Variants in TMEM81 observed in about 807,000 individuals in gnomAD.
TMEM81 encodes the protein transmembrane protein 81.
For missense variants in TMEM81, 294 were observed against 300.5 expected, an observed-to-expected ratio of 0.98 and a Z score of 0.16; for synonymous variants, 132 against 119.1, an observed-to-expected ratio of 1.11 and a Z score of -0.71.
Position 205,083,175 on chromosome 1 carries a change from G to T in TMEM81, c.*378C>A. On this transcript the variant is annotated 3_prime_UTR_variant, in exon 1 of 1. Coordinates refer to ENST00000367167, the MANE Select transcript of TMEM81 (RefSeq NM_203376.2). ...AAAAAAAATGTTCACTAAAAAGGCT[G>T]AATACATCCCTCTACATGAATACAC... 1 of 190,946 alleles carries T rather than the reference G, an allele frequency of 5.2e-6. No individual in the cohort carries two copies. The highest frequency in any genetic ancestry group is 1.1e-5 in the Non-Finnish European group (1 of 94,308). 11.8% of individuals were successfully genotyped at this position (190,946 alleles called of 1,614,324 possible). A position where few individuals can be genotyped will look rare whatever the true frequency, so the allele number is the denominator to read the frequency against.
rs1655055760 is a variant in TMEM81 at position 205,083,295 on chromosome 1, GGCAAT to G, written c.*253_*257del. On this transcript the variant is annotated 3_prime_UTR_variant, in exon 1 of 1. Coordinates refer to ENST00000367167, the MANE Select transcript of TMEM81 (RefSeq NM_203376.2). Reference sequence around the variant, plus strand: ...TCTTAGAACTCTTCCCAGGAACACAGGCAATGCTTGCAGTTTCCTGGGTACCCAAT... The same window carrying G: ...TCTTAGAACTCTTCCCAGGAACACAGGCTTGCAGTTTCCTGGGTACCCAAT... The G allele has an allele frequency of 2.2e-6, 1 of 457,270 alleles. No individual in the cohort carries two copies. The highest frequency in any genetic ancestry group is 3.8e-5 in the Admixed American group (1 of 25,976). The allele number at this position is 457,270 out of a possible 1,614,324, so 28.3% of individuals were successfully genotyped here.
At position 205,083,286 on chromosome 1, in the gene TMEM81, A is replaced by G. The variant is rs958078643; in HGVS notation, c.*267T>C. ...ATGCAAGCTTCTTAGAACTCTTCCC[A>G]GGAACACAGGCAATGCTTGCAGTTT... On this transcript the variant is annotated 3_prime_UTR_variant, in exon 1 of 1. Coordinates refer to ENST00000367167, the MANE Select transcript of TMEM81 (RefSeq NM_203376.2). 3 of 442,818 alleles carry G rather than the reference A, an allele frequency of 6.8e-6. No individual in the cohort carries two copies. Among genetic ancestry groups the G allele is most frequent in the African/African-American group, 3.9e-5 (2 of 50,712 alleles). 27.4% of individuals were successfully genotyped at this position (442,818 alleles called of 1,614,324 possible).
At position 205,084,118 on chromosome 1, in the gene TMEM81, T is replaced by C. The variant is rs747349144; in HGVS notation, c.203A>G (p.Asp68Gly). The C allele has an allele frequency of 1.7e-5, 27 of 1,614,080 alleles. No homozygotes were observed. In the East Asian group the frequency reaches 4.9e-4, roughly 29 times the overall value. ...AGTCTGACATTTCCTTCTCACTCCA[T>C]CAGGGCCCACCTCACAGACGGTCTC... ...KEETVCEVGP[D>G]GVRRKCQTRR... The change falls in exon 1 of 1, where the codon GAT becomes GGT. Residue 68 changes from aspartate to glycine, a missense_variant. Coordinates refer to ENST00000367167, the MANE Select transcript of TMEM81 (RefSeq NM_203376.2).
chr1:205,083,689 CT>C lies in TMEM81; in HGVS notation c.631del (p.Ser211AlafsTer20). 1 of 1,614,228 alleles carries C rather than the reference CT, an allele frequency of 6.2e-7. No homozygotes were observed. Among genetic ancestry groups the C allele is most frequent in the Non-Finnish European group, 8.5e-7 (1 of 1,180,036 alleles). On this transcript the variant is annotated frameshift_variant, in exon 1 of 1. Transcript: ENST00000367167. LOFTEE classifies it low-confidence loss of function (END_TRUNC). ...CTTTGGGTGGTGAGGCTTGGAGTAG[CT>C]GTCCAGATTAACTTCCAATCCCTCA... is the stretch of plus-strand genomic sequence containing the variant. ...IDEGLEVNLD[S>X]YSKPHHPKWK...
Position 205,083,853 on chromosome 1 carries a change from C to T in TMEM81, c.468G>A (p.Gly156=), listed in dbSNP as rs1407595865. The change falls in exon 1 of 1, where the codon GGG becomes GGA. Residue 156 remains glycine, a synonymous_variant. Coordinates refer to ENST00000367167, the MANE Select transcript of TMEM81 (RefSeq NM_203376.2). ...CCAGCTGCACATCACAGCGATATGTCCCAGAGTCATACTCCTGAGCATATT... is the reference window on the plus strand; with the variant it reads ...CCAGCTGCACATCACAGCGATATGTTCCAGAGTCATACTCCTGAGCATATT... The part of the protein sequence containing the change: ...KFKYAQEYDS[G]TYRCDVQLVK... 6.2e-7 allele frequency: 1 copy of T among 1,614,212 alleles called. No individual in the cohort carries two copies. Among genetic ancestry groups the T allele is most frequent in the African/African-American group, 1.3e-5 (1 of 75,046 alleles).
Position 205,083,772 on chromosome 1 carries a change from A to C in TMEM81, c.549T>G (p.Pro183=). The C allele has an allele frequency of 1.9e-6, 3 of 1,614,234 alleles. No individual in the cohort carries two copies. The highest frequency in any genetic ancestry group is 2.5e-6 in the Non-Finnish European group (3 of 1,180,040). ...RLYFGLRVLP[P]NLVNLNFHQS... is the part of the protein sequence containing the mutation. ...GATGGAAATTCAGATTCACCAAGTT[A>C]GGAGGAAGGACCCTCAACCCAAAAT... Residue 183 remains proline, a synonymous_variant, in exon 1 of 1, where the codon CCT becomes CCG. Transcript: ENST00000367167.
chr1:205,084,154 C>T lies in TMEM81; in HGVS notation c.167G>A (p.Gly56Asp). 1 of 1,614,164 alleles carries T rather than the reference C, an allele frequency of 6.2e-7. No individual in the cohort carries two copies. Among genetic ancestry groups the T allele is most frequent in the South Asian group, 1.1e-5 (1 of 91,072 alleles). ...CTCACAGACGGTCTCCTCCTTATAG[C>T]CAAGGCCACAGGTGACAGTACAGGT... is the stretch of plus-strand genomic sequence containing the variant. ...ATTCTVTCGL[G>D]YKEETVCEVG... Residue 56 changes from glycine to aspartate, a missense_variant, in exon 1 of 1, where the codon GGC becomes GAC. By Grantham distance (94) the Gly-to-Asp change is moderately conservative. Transcript: ENST00000367167.
chr1:205,083,359 A>T lies in TMEM81; in HGVS notation c.*194T>A. 1.7e-6 allele frequency: 1 copy of T among 583,290 alleles called. No homozygotes were observed. Among genetic ancestry groups the T allele is most frequent in the Non-Finnish European group, 2.9e-6 (1 of 345,004 alleles). The allele number at this position is 583,290 out of a possible 1,614,324, so 36.1% of individuals were successfully genotyped here. On this transcript the variant is annotated 3_prime_UTR_variant, in exon 1 of 1. Transcript: ENST00000367167. Reference sequence around the variant, plus strand: ...AAGATCAGGAAGAGATCCATGGGACATAAGGAAGTTAGGTTACTGCGCATA... The same window carrying T: ...AAGATCAGGAAGAGATCCATGGGACTTAAGGAAGTTAGGTTACTGCGCATA...
In TMEM81 at chr1:205,084,023, A is replaced by C. The variant is rs1410297302; in HGVS notation, c.298T>G (p.Phe100Val). 14 of 1,614,182 alleles carry C rather than the reference A, an allele frequency of 8.7e-6. No individual in the cohort carries two copies. Among genetic ancestry groups the C allele is most frequent in the Non-Finnish European group, 1.2e-5 (14 of 1,180,024 alleles). ...TCTGAACTCAGACAGCTAAGCTCAA[A>C]TTCCTTGCCAATGAGAATGGTGAAA... Reference protein sequence around the residue: ...LHFTILIGKEFELSCLSSDIL... With the variant: ...LHFTILIGKEVELSCLSSDIL... Residue 100 changes from phenylalanine to valine, a missense_variant, in exon 1 of 1, where the codon TTT (phenylalanine) becomes GTT (valine). Physicochemically the swap from Phe to Val is conservative, Grantham distance 50. Coordinates refer to ENST00000367167, the MANE Select transcript of TMEM81 (RefSeq NM_203376.2).
rs772089533 is a variant in TMEM81 at position 205,083,524 on chromosome 1, G to A, written c.*29C>T. ...GGCTTCCTGGGCAGCCAGTTCTTCA[G>A]GAGCAAGGCTGTTAAGTTCTTGAAG... On this transcript the variant is annotated 3_prime_UTR_variant, in exon 1 of 1. Coordinates refer to ENST00000367167, the MANE Select transcript of TMEM81 (RefSeq NM_203376.2). 1 of 1,561,912 alleles carries A rather than the reference G, an allele frequency of 6.4e-7. No individual in the cohort carries two copies. Among genetic ancestry groups the A allele is most frequent in the Non-Finnish European group, 8.7e-7 (1 of 1,154,800 alleles).
chr1:205,083,782 A>C lies in TMEM81; in HGVS notation c.539T>G (p.Val180Gly). ...CAGATTCACCAAGTTAGGAGGAAGG[A>C]CCCTCAACCCAAAATAGAGCCTCTT... Reference protein sequence around the residue: ...LVKRLYFGLRVLPPNLVNLNF... With the variant: ...LVKRLYFGLRGLPPNLVNLNF... The change falls in exon 1 of 1, where the codon GTC becomes GGC. Residue 180 changes from valine (V) to glycine (G), a missense_variant. Transcript: ENST00000367167. 1 of 1,614,170 alleles carries C rather than the reference A, an allele frequency of 6.2e-7. No homozygotes were observed. The highest frequency in any genetic ancestry group is 8.5e-7 in the Non-Finnish European group (1 of 1,180,030).
Position 205,083,391 on chromosome 1 carries a change from A to G in TMEM81, c.*162T>C. 1 of 765,060 alleles carries G rather than the reference A, an allele frequency of 1.3e-6. No individual in the cohort carries two copies. The highest frequency in any genetic ancestry group is 3.9e-4 in the Middle Eastern group (1 of 2,582). 47.4% of individuals were successfully genotyped at this position (765,060 alleles called of 1,614,324 possible). ...AGTTAGGTTACTGCGCATAGCTCCC[A>G]GGAGATTGTCCCCTCCATTTCTCCC... On this transcript the variant is annotated 3_prime_UTR_variant, in exon 1 of 1. Coordinates refer to ENST00000367167, the MANE Select transcript of TMEM81 (RefSeq NM_203376.2).
rs1478893090 is a variant in TMEM81 at position 205,084,417 on chromosome 1, T to C, written c.-97A>G. The C allele has an allele frequency of 2.3e-6, 3 of 1,285,398 alleles. No individual in the cohort carries two copies. Among genetic ancestry groups the C allele is most frequent in the Non-Finnish European group, 3.2e-6 (3 of 927,686 alleles). The allele number at this position is 1,285,398 out of a possible 1,614,324, so 79.6% of individuals were successfully genotyped here. Reference sequence around the variant, plus strand: ...AACTTGATTCCTTTGACATGAGATATCCTTCAAAGTCAAAAGATATGATGC... The same window carrying C: ...AACTTGATTCCTTTGACATGAGATACCCTTCAAAGTCAAAAGATATGATGC... On this transcript the variant is annotated 5_prime_UTR_variant, in exon 1 of 1. Transcript: ENST00000367167.
Position 205,083,685 on chromosome 1 carries a change from G to A in TMEM81, c.636C>T (p.Tyr212=). The change falls in exon 1 of 1, where the codon TAC becomes TAT. Residue 212 remains tyrosine (Y), a synonymous_variant. Transcript: ENST00000367167. ...TCCACTTTGGGTGGTGAGGCTTGGAGTAGCTGTCCAGATTAACTTCCAATC... is the reference window on the plus strand; with the variant it reads ...TCCACTTTGGGTGGTGAGGCTTGGAATAGCTGTCCAGATTAACTTCCAATC... ...DEGLEVNLDS[Y]SKPHHPKWKK... is the part of the protein sequence containing the mutation. 1.9e-6 allele frequency: 3 copies of A among 1,614,204 alleles called. No homozygotes were observed. The highest frequency in any genetic ancestry group is 2.5e-6 in the Non-Finnish European group (3 of 1,180,044).
chr1:205,083,691 G>A lies in TMEM81; in HGVS notation c.630C>T (p.Asp210=). 3 of 1,614,198 alleles carry A rather than the reference G, an allele frequency of 1.9e-6. No individual in the cohort carries two copies. Among genetic ancestry groups the A allele is most frequent in the Non-Finnish European group, 2.5e-6 (3 of 1,180,038 alleles). ...LIDEGLEVNL[D]SYSKPHHPKW... is the part of the protein sequence containing the mutation. Reference sequence around the variant, plus strand: ...TTGGGTGGTGAGGCTTGGAGTAGCTGTCCAGATTAACTTCCAATCCCTCAT... The same window carrying A: ...TTGGGTGGTGAGGCTTGGAGTAGCTATCCAGATTAACTTCCAATCCCTCAT... Residue 210 remains aspartate (D), a synonymous_variant, in exon 1 of 1, where the codon GAC becomes GAT. Coordinates refer to ENST00000367167, the MANE Select transcript of TMEM81 (RefSeq NM_203376.2).
Position 205,083,742 on chromosome 1 carries a change from T to C in TMEM81, c.579A>G (p.Ser193=). 1 of 1,614,202 alleles carries C rather than the reference T, an allele frequency of 6.2e-7. No homozygotes were observed. Among genetic ancestry groups the C allele is most frequent in the Non-Finnish European group, 8.5e-7 (1 of 1,180,022 alleles). ...CTATTAACTTCTGATCCTCAGTAAG[T>C]GACTGATGGAAATTCAGATTCACCA... ...PNLVNLNFHQ[S]LTEDQKLIDE... Residue 193 remains serine (S), a synonymous_variant, in exon 1 of 1, where the codon TCA becomes TCG. Transcript: ENST00000367167.
In TMEM81 at chr1:205,084,354, A is replaced by T; in HGVS notation, c.-34T>A. ...AGGCGTTTTGCCACCCTCAGCCAGC[A>T]CCCACAAGGTATTCCAGCTGAATCC... On this transcript the variant is annotated 5_prime_UTR_variant, in exon 1 of 1. Transcript: ENST00000367167. The T allele has an allele frequency of 6.3e-7, 1 of 1,588,590 alleles. No individual in the cohort carries two copies. Among genetic ancestry groups the T allele is most frequent in the Non-Finnish European group, 8.6e-7 (1 of 1,168,038 alleles).
At position 205,083,850 on chromosome 1, in the gene TMEM81, T is replaced by C. The variant is rs760233194; in HGVS notation, c.471A>G (p.Thr157=). ...FKYAQEYDSG[T]YRCDVQLVKN... ...TTACCAGCTGCACATCACAGCGATATGTCCCAGAGTCATACTCCTGAGCAT... is the reference window on the plus strand; with the variant it reads ...TTACCAGCTGCACATCACAGCGATACGTCCCAGAGTCATACTCCTGAGCAT... Residue 157 remains threonine (T), a synonymous_variant, in exon 1 of 1, where the codon ACA becomes ACG. Coordinates refer to ENST00000367167, the MANE Select transcript of TMEM81 (RefSeq NM_203376.2). 5.0e-6 allele frequency: 8 copies of C among 1,614,234 alleles called. No individual in the cohort carries two copies. Among genetic ancestry groups the C allele is most frequent in the Non-Finnish European group, 5.9e-6 (7 of 1,180,048 alleles).
chr1:205,083,616 T>C lies in TMEM81; in HGVS notation c.705A>G (p.Gly235=), dbSNP rs1213847796. The change falls in exon 1 of 1, where the codon GGA becomes GGG. Residue 235 remains glycine (G), a synonymous_variant. Transcript: ENST00000367167. ...ASALGIGIAI[G]VVGGVLVRIV... ...TCCTCACCAACACGCCACCAACCAC[T>C]CCAATGGCAATTCCTATTCCCAAGG... 6.2e-7 allele frequency: 1 copy of C among 1,614,124 alleles called. No individual in the cohort carries two copies.
Sources: allele counts gnomAD v4.1 joint callset, GRCh38; gene constraint gnomAD v4.1.1; transcripts MANE v1.5; gene names NCBI Gene and HGNC (gene_info 2026-07-23, HGNC 2026-07-21).